The following MACROD2 variants were observed in gnomAD, a reference collection of about 807,000 sequenced individuals.
MACROD2 encodes mono-ADP ribosylhydrolase 2.
Under a neutral mutation model 70.4 loss-of-function variants are expected in MACROD2, and 36 were observed. The ratio of observed to expected loss-of-function variants is 0.51; its 90% CI spans 0.39 to 0.68. The LOEUF (loss-of-function observed/expected upper bound fraction) is 0.68, where lower values mean the gene tolerates loss of function less well. Among genes scored for constraint, MACROD2 ranks in the 30% least tolerant of loss-of-function variants. The pLI is 0.00. For synonymous variants in MACROD2, 172 were observed against 178.8 expected (o/e 0.96, Z 0.30); for missense variants, 496 against 538.4 (o/e 0.92, Z 0.78).
At chr20:14,482,156 G>C (rs1408925104) in intron 3 of MACROD2, among the ~76,000 whole-genome samples, 1 of 152,014 alleles carries the variant, frequency 6.6e-6, no homozygotes, top group Non-Finnish European at 1.5e-5. Context: ...ATTGCGTTAG[G>C]GTGAATGCAG....
intron 3 of MACROD2, among the ~76,000 whole-genome samples, chr20:14,354,178 C>A (rs1398306440): frequency 1.3e-5 from 2 of 151,906 alleles, no homozygotes; most frequent in African/African-American, 4.8e-5. Context: ...CTTTTCTTTT[C>A]TTTGAAGTAC....
intron 5 of MACROD2, among the ~76,000 whole-genome samples, chr20:14,787,436 T>A (rs766025016): frequency 9.2e-5 from 14 of 152,120 alleles, no homozygotes; most frequent in Admixed American, 1.3e-4. Context: ...GTGAGTTCAC[T>A]TGAAGAGATG....
chr20:15,360,905 C>T (rs938312353), intron 6 of MACROD2, among the ~76,000 whole-genome samples: 1 of 150,874 alleles, frequency 6.6e-6, no homozygotes, highest in African/African-American at 2.4e-5. Context: ...CTAGTTGGAC[C>T]ATTTGTATTT....
intron 3 of MACROD2, among the ~76,000 whole-genome samples, chr20:14,276,851 G>C (rs1175426366): frequency 6.6e-6 from 1 of 152,072 alleles, no homozygotes; most frequent in Non-Finnish European, 1.5e-5. Flanking sequence ...ATAATTTTTA[G>C]TTGCAAAACC....
intron 4 of MACROD2, among the ~76,000 whole-genome samples, chr20:14,592,365 G>A (rs1194749478): frequency 1.3e-5 from 2 of 152,110 alleles, no homozygotes; most frequent in Admixed American, 6.5e-5. Flanking sequence ...GATTTGGTCC[G>A]CTAGAAGAAA....
At chr20:16,016,178 A>G (rs58344025) in intron 15 of MACROD2, among the ~76,000 whole-genome samples, 15,761 of 152,072 alleles carry the variant, frequency 0.1, 796 homozygotes, top group East Asian at 0.14. Context: ...AATTGACACT[A>G]TCAGGTTACT....
At chr20:15,021,090 G>A (rs1214491709) in intron 5 of MACROD2, among the ~76,000 whole-genome samples, 12 of 122,784 alleles carry the variant, frequency 9.8e-5, no homozygotes, top group Non-Finnish European at 5.2e-5. Context: ...GTGTATACAC[G>A]TGTATGTGTA....
chr20:14,128,781 G>T (rs934129216), intron 3 of MACROD2, among the ~76,000 whole-genome samples: 1 of 152,048 alleles, frequency 6.6e-6, no homozygotes, highest in Non-Finnish European at 1.5e-5. Flanking sequence ...AAATCCTAGG[G>T]CCCTTAATAT....
chr20:15,841,870 A>C (rs529234505), intron 8 of MACROD2, among the ~76,000 whole-genome samples: 1 of 152,252 alleles, frequency 6.6e-6, no homozygotes, highest in South Asian at 2.1e-4. Context: ...ATAGAGATGC[A>C]AAAAATTAAA....
intron 6 of MACROD2, among the ~76,000 whole-genome samples, chr20:15,413,190 G>A (rs528932789): frequency 1.1e-3 from 173 of 152,168 alleles, no homozygotes; most frequent in Non-Finnish European, 1.9e-3. Context: ...AAGGCAAAAT[G>A]TCATGGCATT....
intron 5 of MACROD2, among the ~76,000 whole-genome samples, chr20:14,805,686 C>T (rs1267231474): frequency 1.3e-5 from 2 of 152,018 alleles, no homozygotes; most frequent in Non-Finnish European, 2.9e-5. Flanking sequence ...TGCTATTATG[C>T]CAGCCATAGT....
At position 14,816,870 on chromosome 20, in the gene MACROD2, G is replaced by GA. The variant is rs1190633764; in HGVS notation, c.418+131920dup. Among the ~76,000 whole-genome samples, 1,212 of 148,154 alleles carry GA rather than the reference G, an allele frequency of 8.2e-3. 23 individuals carry two copies. The highest frequency in any genetic ancestry group is 0.027 in the African/African-American group (1,090 of 40,480). On this transcript the variant is annotated intron_variant, in intron 5 of 17. Coordinates refer to ENST00000684519, the MANE Select transcript of MACROD2 (RefSeq NM_001351661.2). The stretch of plus-strand genomic sequence containing the variant: ...CAATTGAATTTGAGTTGTGTAAACT[G>GA]AAAAAAAAATAAATAATTGCAAAAT...
At chr20:14,274,277 C>T (rs577510271) in intron 3 of MACROD2, among the ~76,000 whole-genome samples, 49 of 152,252 alleles carry the variant, frequency 3.2e-4, no homozygotes, top group African/African-American at 1.1e-3. Context: ...TCCAGCAGCA[C>T]ATCAAAAAGC....
chr20:14,579,186 C>G (rs1980833685), intron 4 of MACROD2, among the ~76,000 whole-genome samples: 1 of 122,308 alleles, frequency 8.2e-6, no homozygotes, highest in South Asian at 2.7e-4. Flanking sequence ...CCAGGCCGGA[C>G]TGCGGACTGC....
intron 8 of MACROD2, among the ~76,000 whole-genome samples, chr20:15,647,092 G>A (rs2049559325): frequency 6.6e-6 from 1 of 152,198 alleles, no homozygotes; most frequent in African/African-American, 2.4e-5. Flanking sequence ...CTAAATGAAT[G>A]CGTACTCTTT....
intron 10 of MACROD2, among the ~76,000 whole-genome samples, chr20:15,930,636 T>C (rs536914550): frequency 6.6e-6 from 1 of 152,278 alleles, no homozygotes; most frequent in Admixed American, 6.5e-5. Flanking sequence ...TTTCTTGAGT[T>C]TGCTTCCCCA....
At chr20:14,446,634 T>C (rs552771210) in intron 3 of MACROD2, among the ~76,000 whole-genome samples, 13 of 152,190 alleles carry the variant, frequency 8.5e-5, no homozygotes, top group Non-Finnish European at 1.6e-4. Flanking sequence ...AGTTCTCAGA[T>C]CAGTTTCAGA....
chr20:14,201,837 C>CA (rs1048150695), intron 3 of MACROD2, among the ~76,000 whole-genome samples: 2,322 of 70,936 alleles, frequency 0.033, 47 homozygotes, highest in African/African-American at 0.093. Flanking sequence ...GATTCCATCT[C>CA]AAAAAAAAAA....
intron 8 of MACROD2, among the ~76,000 whole-genome samples, chr20:15,656,244 T>C (rs1426460135): frequency 6.6e-6 from 1 of 152,246 alleles, no homozygotes; most frequent in Non-Finnish European, 1.5e-5. Context: ...CTTCTCCTTT[T>C]GATAACAGGG....
Sources: gnomAD v4.1 joint callset for allele counts (sites outside exome capture counted in the v4.1 genomes callset) on GRCh38, gnomAD v4.1.1 for gene constraint, MANE v1.5 for transcripts, NCBI Gene and HGNC (gene_info 2026-07-23, HGNC 2026-07-21) for gene names.